SNTG1: variants seen among roughly 807,000 people sequenced by gnomAD.
SNTG1 encodes syntrophin gamma 1.
A neutral mutation model predicts 74.7 loss-of-function variants in SNTG1; 39 were observed. That is an observed-to-expected ratio of 0.52 (90% CI 0.40 to 0.68). SNTG1 has a LOEUF of 0.68. Among genes scored for constraint, SNTG1 ranks in the 30% least tolerant of loss-of-function variants. The probability of loss-of-function intolerance (pLI) is 0.00; values close to 1 mark genes in which losing one functional copy is unlikely to be tolerated. For synonymous variants in SNTG1, 254 were observed against 217.1 expected (o/e 1.17, Z -1.49); for missense variants, 685 against 609.5 (o/e 1.12, Z -1.30).
rs142190532 is a variant in SNTG1, at chr8:50,030,558, T to A, written c.-103+118327T>A. Among the ~76,000 whole-genome samples, 1,438 of 152,164 alleles carry A rather than the reference T, an allele frequency of 9.5e-3. 10 individuals are homozygous for A. Among genetic ancestry groups the A allele is most frequent in the Non-Finnish European group, 0.017 (1,121 of 67,932 alleles). On this transcript the variant is annotated intron_variant, in intron 1 of 18. Coordinates refer to ENST00000642720, the MANE Select transcript of SNTG1 (RefSeq NM_018967.5). Reference sequence around the variant, plus strand: ...GTTTAATTATAAATTTATATTTTTGTCTATGGATAGCCAATTGTTCTAACA... The same window carrying A: ...GTTTAATTATAAATTTATATTTTTGACTATGGATAGCCAATTGTTCTAACA...
chr8:50,734,247 A>G (rs756122739), intron 17 of SNTG1, among the ~76,000 whole-genome samples: 2 of 151,814 alleles, frequency 1.3e-5, no homozygotes, highest in Non-Finnish European at 2.9e-5. Context: ...ACATTTATTT[A>G]TACAGAGACT....
chr8:50,724,980 C>T (rs1033275200), intron 17 of SNTG1, among the ~76,000 whole-genome samples: 3 of 152,010 alleles, frequency 2.0e-5, no homozygotes, highest in Admixed American at 6.6e-5. Context: ...AAGAAGACAT[C>T]ATTTAATTAT....
chr8:50,314,108 T>G (rs903731452), intron 2 of SNTG1, among the ~76,000 whole-genome samples: 1 of 149,754 alleles, frequency 6.7e-6, no homozygotes, highest in Non-Finnish European at 1.5e-5. Context: ...CATGAGCTCA[T>G]CCAGTCATCC....
intron 4 of SNTG1, among the ~76,000 whole-genome samples, chr8:50,416,525 A>C (rs1412988377): frequency 6.6e-6 from 1 of 152,112 alleles, no homozygotes; most frequent in African/African-American, 2.4e-5. Flanking sequence ...ATGGTTTTCA[A>C]GACTATTATT....
chr8:50,039,481 A>C (rs1818451017), intron 1 of SNTG1, among the ~76,000 whole-genome samples: 1 of 149,960 alleles, frequency 6.7e-6, no homozygotes, highest in Non-Finnish European at 1.5e-5. Context: ...AAAAAAAAAA[A>C]AACTCAAGTT....
intron 1 of SNTG1, among the ~76,000 whole-genome samples, chr8:50,030,951 G>A (rs1817695338): frequency 6.6e-6 from 1 of 151,790 alleles, no homozygotes; most frequent in African/African-American, 2.4e-5. Flanking sequence ...TTACTATGTT[G>A]AGTATTCTAA....
At chr8:49,930,304 G>A (rs1022338101) in intron 1 of SNTG1, among the ~76,000 whole-genome samples, 3 of 151,914 alleles carry the variant, frequency 2.0e-5, no homozygotes, top group African/African-American at 7.3e-5. Flanking sequence ...ATTTATATCA[G>A]TGAGGCAAGG....
intron 1 of SNTG1, among the ~76,000 whole-genome samples, chr8:50,171,869 G>A (rs892121840): frequency 6.6e-6 from 1 of 152,128 alleles, no homozygotes; most frequent in Non-Finnish European, 1.5e-5. Flanking sequence ...ATCCCCTTGA[G>A]ACTTCTGATA....
chr8:50,339,948 A>T (rs190459222), intron 2 of SNTG1, among the ~76,000 whole-genome samples: 3 of 152,106 alleles, frequency 2.0e-5, no homozygotes, highest in Non-Finnish European at 2.9e-5. Context: ...AAATATAAGG[A>T]CACAGATAGG....
At chr8:50,723,195 G>A (rs1214311444) in intron 17 of SNTG1, among the ~76,000 whole-genome samples, 1 of 152,152 alleles carries the variant, frequency 6.6e-6, no homozygotes, top group East Asian at 1.9e-4. Context: ...TAAAAATCTG[G>A]TCTGTAATTA....
chr8:50,676,243 T>G (rs996941418), intron 15 of SNTG1, among the ~76,000 whole-genome samples: 3 of 152,062 alleles, frequency 2.0e-5, no homozygotes, highest in Non-Finnish European at 2.9e-5. Flanking sequence ...CTTGTTTCCA[T>G]TCTCCCTGTC....
chr8:50,775,061 T>A (rs986185454), intron 18 of SNTG1, among the ~76,000 whole-genome samples: 1 of 150,978 alleles, frequency 6.6e-6, no homozygotes. Context: ...AAAACAGTAA[T>A]GGAAAAATAA....
At chr8:50,781,909 A>T (rs987672222) in intron 18 of SNTG1, among the ~76,000 whole-genome samples, 3 of 152,134 alleles carry the variant, frequency 2.0e-5, no homozygotes, top group Non-Finnish European at 4.4e-5. Flanking sequence ...GGTGGTGACA[A>T]AATCTCTCAG....
At chr8:50,274,704 T>C (rs75858163) in intron 2 of SNTG1, among the ~76,000 whole-genome samples, 7,975 of 152,224 alleles carry the variant, frequency 0.052, 236 homozygotes, top group Middle Eastern at 0.12. Flanking sequence ...GGAGATGCTC[T>C]TTATTAAATT....
intron 15 of SNTG1, among the ~76,000 whole-genome samples, chr8:50,661,935 T>C (rs879883922): frequency 8.5e-5 from 13 of 152,144 alleles, no homozygotes; most frequent in Non-Finnish European, 1.3e-4. Flanking sequence ...GCATTCCTTT[T>C]CCCAAAGGAA....
intron 4 of SNTG1, among the ~76,000 whole-genome samples, chr8:50,421,396 T>C (rs976977097): frequency 1.3e-5 from 2 of 152,156 alleles, no homozygotes; most frequent in Non-Finnish European, 2.9e-5. Flanking sequence ...CTTCCTCACA[T>C]TGCCATGACA....
At chr8:50,195,423 C>G (rs1361375374) in intron 2 of SNTG1, among the ~76,000 whole-genome samples, 2 of 152,114 alleles carry the variant, frequency 1.3e-5, no homozygotes, top group East Asian at 3.9e-4. Flanking sequence ...AGTCTGCACA[C>G]CAGATTTCCA....
At position 50,100,303 on chromosome 8, in the gene SNTG1, A is replaced by G. The variant is rs530312965; in HGVS notation, c.-102-72258A>G. On this transcript the variant is annotated intron_variant, in intron 1 of 18. Transcript: ENST00000642720. ...GGGAGGGAAGGAAAAGGACAGTTTTATTAAAGGATGCAAAATTACAACTAA... is the reference window on the plus strand; with the variant it reads ...GGGAGGGAAGGAAAAGGACAGTTTTGTTAAAGGATGCAAAATTACAACTAA... 1.5e-3 allele frequency among the ~76,000 whole-genome samples: 232 copies of G among 152,252 alleles called. 1 individual carries two copies. Among genetic ancestry groups the G allele is most frequent in the African/African-American group, 5.4e-3 (224 of 41,584 alleles).
chr8:50,246,484 G>A (rs1430345342), intron 2 of SNTG1, among the ~76,000 whole-genome samples: 2 of 140,564 alleles, frequency 1.4e-5, no homozygotes, highest in East Asian at 2.2e-4. Context: ...ATTACTAAGT[G>A]AAGAAACATT....
Sources: allele counts gnomAD v4.1 joint callset (sites outside exome capture counted in the v4.1 genomes callset), GRCh38; gene constraint gnomAD v4.1.1; transcripts MANE v1.5; gene names NCBI Gene and HGNC (gene_info 2026-07-23, HGNC 2026-07-21).